DNAH9: variants seen among roughly 807,000 people sequenced by gnomAD.
The protein encoded by DNAH9 is dynein axonemal heavy chain 9, also known as DNAH9 variant protein.
A neutral mutation model predicts 471.6 loss-of-function variants in DNAH9; 345 were observed. The observed-to-expected ratio is 0.73, with a 90% CI of 0.67 to 0.80. DNAH9 has a LOEUF of 0.80. Among genes scored for constraint, DNAH9 ranks in the 30% least tolerant of loss-of-function variants. The pLI is 0.00. For synonymous variants in DNAH9, 2,093 were observed against 2,123.6 expected (o/e 0.99, Z 0.40); for missense variants, 5,407 against 5,609.2 (o/e 0.96, Z 1.15).
chr17:11,776,254 GTTAATGACAGTGAT>G lies in DNAH9; in HGVS notation c.7553-4754_7553-4741del, dbSNP rs1968427547. On this transcript the variant is annotated intron_variant, in intron 38 of 68. Transcript: ENST00000262442. ...GAAGGTGGGCAGTTGCTAATATCAG[GTTAATGACAGTGAT>G]ATCAATGTTAAGATATTTGCTGTTC... Among the ~76,000 whole-genome samples the G allele has an allele frequency of 2.6e-5, 4 of 151,848 alleles. No homozygotes were observed. The South Asian group carries it at 8.3e-4, about 32-fold the overall frequency.
chr17:11,654,656 A>G (rs1454759941), intron 14 of DNAH9, among the ~76,000 whole-genome samples: 2 of 152,062 alleles, frequency 1.3e-5, no homozygotes, highest in Non-Finnish European at 2.9e-5. Context: ...ACACTTTAAT[A>G]ATAATTCTTA....
intron 28 of DNAH9, among the ~76,000 whole-genome samples, chr17:11,736,074 A>G (rs900913693): frequency 6.6e-6 from 1 of 152,156 alleles, no homozygotes; most frequent in African/African-American, 2.4e-5. Context: ...GAATTTCTAC[A>G]TATCTCACTT....
chr17:11,603,190 G>A (rs113964200), intron 1 of DNAH9, among the ~76,000 whole-genome samples: 4 of 152,226 alleles, frequency 2.6e-5, no homozygotes, highest in African/African-American at 4.8e-5. Flanking sequence ...ACGACCTCTC[G>A]AACTGCTAAG....
At position 11,598,474 on chromosome 17, in the gene DNAH9, CCGATGCAGCTGGAGGCCGCGCG is replaced by C; in HGVS notation, c.-18_4del. On this transcript the variant is annotated 5_prime_UTR_variant, in exon 1 of 69. The change abolishes an upstream ATG in the 5' untranslated region. Transcript: ENST00000262442. ...GGCCGCGTCCCCGTCGCTAGGGAAACCGATGCAGCTGGAGGCCGCGCGCGATGCGGCTCGCGGAGGAGCGGGC... is the reference window on the plus strand; with the variant it reads ...GGCCGCGTCCCCGTCGCTAGGGAAACCGATGCGGCTCGCGGAGGAGCGGGC... 1.5e-6 allele frequency: 2 copies of C among 1,346,856 alleles called. No homozygotes were observed. The highest frequency in any genetic ancestry group is 1.9e-6 in the Non-Finnish European group (2 of 1,055,294). The allele number at this position is 1,346,856 out of a possible 1,614,324, so 83.4% of individuals were successfully genotyped here.
At chr17:11,891,752 C>G in intron 57 of DNAH9, 25 bp from the exon 58 acceptor site, 1 of 1,611,994 alleles carries the variant, frequency 6.2e-7, no homozygotes, top group East Asian at 2.2e-5. Flanking sequence ...GTGTACCTTA[C>G]CAGTTTCCTG....
rs1357635857 is a variant in DNAH9, at chr17:11,756,704, A to C, written c.6847+28A>C. 3.6e-6 allele frequency: 5 copies of C among 1,394,282 alleles called. No homozygotes were observed. The African/African-American group carries it at 4.2e-5, about 12-fold the overall frequency. 86.4% of individuals were successfully genotyped at this position (1,394,282 alleles called of 1,614,324 possible). A position where few individuals can be genotyped will look rare whatever the true frequency, so the allele number is the denominator to read the frequency against. On this transcript the variant is annotated intron_variant, in intron 34 of 68. Transcript: ENST00000262442. Reference sequence around the variant, plus strand: ...ACGGCCCAAGAAGGGAAGAACCACAAAGCTACTCCACTTAGGGAGGTACCT... The same window carrying C: ...ACGGCCCAAGAAGGGAAGAACCACACAGCTACTCCACTTAGGGAGGTACCT...
chr17:11,786,898 G>A (rs537106315), intron 41 of DNAH9, among the ~76,000 whole-genome samples: 130 of 152,270 alleles, frequency 8.5e-4, no homozygotes, highest in Non-Finnish European at 1.3e-3. Flanking sequence ...AGGCGTCTTT[G>A]CAGCCTGCCA....
chr17:11,849,072 G>A (rs887059703), intron 49 of DNAH9, among the ~76,000 whole-genome samples: 1 of 152,090 alleles, frequency 6.6e-6, no homozygotes, highest in Non-Finnish European at 1.5e-5. Flanking sequence ...TCCTGACCTC[G>A]TGATCCACCT....
chr17:11,872,792 C>T (rs555182579), intron 52 of DNAH9, among the ~76,000 whole-genome samples: 24 of 152,242 alleles, frequency 1.6e-4, no homozygotes, highest in East Asian at 1.4e-3. Flanking sequence ...TGGTGGCGGG[C>T]GCCTGTAATC....
chr17:11,763,440 G>A lies in DNAH9; in HGVS notation c.6996G>A (p.Arg2332=), dbSNP rs752465422. 3 of 1,613,814 alleles carry A rather than the reference G, an allele frequency of 1.9e-6. No individual in the cohort carries two copies. Among genetic ancestry groups the A allele is most frequent in the East Asian group, 2.2e-5 (1 of 44,874 alleles). ...GATCCCCTCGGGTCTCTCTTTGCAG[G>A]TTTAAGAAGATCATTCCCATCCCAG... ...LPTCLDTLRT[R]FKKIIPIPEQ... The change falls in exon 36 of 69, where the codon AGG becomes AGA. Residue 2332 remains arginine (R), a splice_region_variant and synonymous_variant. Transcript: ENST00000262442.
chr17:11,604,712 C>T lies in DNAH9; in HGVS notation c.418-3417C>T, dbSNP rs915822017. ...ATCCTGACCCTTTTTTTTTCTCTTG[C>T]GACTCCTAAAGCAATTTGTTAACAC... On this transcript the variant is annotated intron_variant, in intron 1 of 68. Transcript: ENST00000262442. 9.9e-5 allele frequency among the ~76,000 whole-genome samples: 15 copies of T among 151,906 alleles called. No individual in the cohort carries two copies. The South Asian group carries it at 1.9e-3, about 19-fold the overall frequency.
chr17:11,900,940 C>A (rs1973389825), intron 59 of DNAH9, among the ~76,000 whole-genome samples: 1 of 152,144 alleles, frequency 6.6e-6, no homozygotes, highest in Non-Finnish European at 1.5e-5. Flanking sequence ...AACAGACCTC[C>A]TACACACACA....
At chr17:11,874,870 T>A in intron 52 of DNAH9, 79 bp from the exon 53 acceptor site, 1 of 1,006,108 alleles carries the variant, frequency 9.9e-7, no homozygotes, top group South Asian at 1.4e-5. Flanking sequence ...GTTGTGTCAT[T>A]TGGTGAGTAA....
chr17:11,694,951 C>T (rs1352838919), intron 22 of DNAH9, among the ~76,000 whole-genome samples: 1 of 148,232 alleles, frequency 6.7e-6, no homozygotes, highest in Non-Finnish European at 1.5e-5. Context: ...GTCAGTGGCA[C>T]GATCTTGGCT....
chr17:11,959,308 A>T (rs964214333), intron 67 of DNAH9, among the ~76,000 whole-genome samples: 1 of 152,232 alleles, frequency 6.6e-6, no homozygotes, highest in African/African-American at 2.4e-5. Context: ...TCATAAAACA[A>T]AGTGAATGAT....
At position 11,891,770 on chromosome 17, in the gene DNAH9, TCCCCAGGC is replaced by T; in HGVS notation, c.11113-5_11115del. 2 of 1,613,756 alleles carry T rather than the reference TCCCCAGGC, an allele frequency of 1.2e-6. No homozygotes were observed. Among genetic ancestry groups the T allele is most frequent in the South Asian group, 2.2e-5 (2 of 91,056 alleles). ...TACCTTACCAGTTTCCTGTCTTCTG[TCCCCAGGC>T]CTTCAGTATCGTCTTCCAGAAGGCT... On this transcript the variant is annotated splice_acceptor_variant and splice_polypyrimidine_tract_variant and coding_sequence_variant and intron_variant, in exon 58 of 69. Coordinates refer to ENST00000262442, the MANE Select transcript of DNAH9 (RefSeq NM_001372.4). LOFTEE classifies it high-confidence loss of function.
chr17:11,824,893 C>G (rs541768109), intron 48 of DNAH9, among the ~76,000 whole-genome samples: 1 of 150,710 alleles, frequency 6.6e-6, no homozygotes, highest in African/African-American at 2.4e-5. Flanking sequence ...CCTTCTCCTC[C>G]TCCTTCTCCT....
At chr17:11,749,270 G>C (rs1967050000) in intron 32 of DNAH9, among the ~76,000 whole-genome samples, 1 of 151,540 alleles carries the variant, frequency 6.6e-6, no homozygotes, top group Non-Finnish European at 1.5e-5. Context: ...ATTTTTAGTA[G>C]AGACAGGGTT....
intron 58 of DNAH9, among the ~76,000 whole-genome samples, chr17:11,893,283 A>G (rs1267054617): frequency 6.6e-6 from 1 of 151,798 alleles, no homozygotes; most frequent in Non-Finnish European, 1.5e-5. Flanking sequence ...TAATTCCCCT[A>G]TCAAGCCTCT....
Sources: gnomAD v4.1 joint callset for allele counts (sites outside exome capture counted in the v4.1 genomes callset) on GRCh38, gnomAD v4.1.1 for gene constraint, MANE v1.5 for transcripts, NCBI Gene and HGNC (gene_info 2026-07-23, HGNC 2026-07-21) for gene names.